Variants in PDPK1 observed in about 807,000 individuals in gnomAD.
PDPK1 encodes the protein 3-phosphoinositide dependent protein kinase 1.
In PDPK1, 7 loss-of-function variants were observed where a neutral mutation model predicts 39.8. The observed-to-expected ratio is 0.18, with a 90% confidence interval of 0.10 to 0.33. PDPK1 has a LOEUF of 0.33. Ranked by LOEUF, PDPK1 falls within the 10% of genes least tolerant of loss-of-function variation. PDPK1 has a pLI of 1.00. For synonymous variants in PDPK1, 118 were observed against 159.1 expected (o/e 0.74, Z 1.95); for missense variants, 182 against 384.7 (o/e 0.47, Z 4.41).
In PDPK1 at chr16:2,601,405, C is replaced by G. The variant is rs549358180; in HGVS notation, c.*3638C>G. 4.3e-6 allele frequency: 1 copy of G among 234,660 alleles called. No individual in the cohort carries two copies. The highest frequency in any genetic ancestry group is 1.8e-4 in the South Asian group (1 of 5,508). The allele number at this position is 234,660 out of a possible 1,614,324, so 14.5% of individuals were successfully genotyped here. A position where few individuals can be genotyped will look rare whatever the true frequency, so the allele number is the denominator to read the frequency against. ...AATTTCCTTGTTTTGGTTGCAAGAA[C>G]CTGGCTCTGCCTGCATGTCAGCTCT... On this transcript the variant is annotated 3_prime_UTR_variant, in exon 14 of 14. Coordinates refer to ENST00000342085, the MANE Select transcript of PDPK1 (RefSeq NM_002613.5).
intron 1 of PDPK1, chr16:2,538,393 C>A: frequency 2.6e-6 from 1 of 379,026 alleles, no homozygotes. Flanking sequence ...CGGGGGAGGC[C>A]GGGAGGTGTC....
chr16:2,597,100 G>A lies in PDPK1; in HGVS notation c.1402-23G>A, dbSNP rs376983918. 41 of 1,539,816 alleles carry A rather than the reference G, an allele frequency of 2.7e-5. No individual in the cohort carries two copies. The highest frequency in any genetic ancestry group is 3.7e-5 in the Admixed American group (2 of 53,836). On this transcript the variant is annotated intron_variant, in intron 12 of 13. Coordinates refer to ENST00000342085, the MANE Select transcript of PDPK1 (RefSeq NM_002613.5). The surrounding 1 kb of genome is among the most constrained non-coding windows in gnomAD (Gnocchi z 6.3). The stretch of plus-strand genomic sequence containing the variant: ...CCGTCAGCACTGGCCTCTGAGGCCT[G>A]TTGTTTTGTGTTTTGGCGTCAGGGT...
At chr16:2,545,313 C>A (rs1159198212) in intron 1 of PDPK1, among the ~76,000 whole-genome samples, 1 of 151,802 alleles carries the variant, frequency 6.6e-6, no homozygotes, top group Non-Finnish European at 1.5e-5. Context: ...AAAGCTCTTT[C>A]TTGTTCTTCT....
rs1355043173 is a variant in PDPK1 at position 2,543,552 on chromosome 16, C to T, written c.24+5416C>T. Among the ~76,000 whole-genome samples the T allele has an allele frequency of 4.9e-5, 7 of 141,686 alleles. No individual in the cohort carries two copies. The South Asian group carries it at 9.8e-4, about 20-fold the overall frequency. The allele number at this position is 141,686 out of a possible 152,430, so 93.0% of individuals were successfully genotyped here. ...CCCAGGCTCGGATGCCCGGCCACGG[C>T]CTCTCTTTCCAGCCTGTGCGGCCCA... On this transcript the variant is annotated intron_variant, in intron 1 of 13. Transcript: ENST00000342085.
intron 1 of PDPK1, among the ~76,000 whole-genome samples, chr16:2,550,043 C>T (rs1205257698): frequency 7.3e-6 from 1 of 136,718 alleles, no homozygotes; most frequent in Non-Finnish European, 1.6e-5. Context: ...TTCAGAATTG[C>T]GTGTGACCTC....
In PDPK1 at chr16:2,597,812, C is replaced by T. The variant is rs769012428; in HGVS notation, c.*45C>T. ...GCCCTTCGCTGCCAGGACACCTGCC[C>T]CAGCGCGGCTTGGCCGCCATCCGGG... On this transcript the variant is annotated 3_prime_UTR_variant, in exon 14 of 14. Transcript: ENST00000342085. This position sits in a 1 kb window ranked among gnomAD's most constrained non-coding sequence, Gnocchi z 6.3. 2 of 1,375,806 alleles carry T rather than the reference C, an allele frequency of 1.5e-6. No individual in the cohort carries two copies. Among genetic ancestry groups the T allele is most frequent in the Non-Finnish European group, 2.1e-6 (2 of 969,118 alleles). 85.2% of individuals were successfully genotyped at this position (1,375,806 alleles called of 1,614,324 possible).
chr16:2,558,079 C>T, intron 2 of PDPK1, 116 bp downstream of exon 2: 1 of 1,118,012 alleles, frequency 8.9e-7, no homozygotes, highest in Non-Finnish European at 1.3e-6. Flanking sequence ...GGCAGGAGGT[C>T]TCAGGCCCCT....
chr16:2,599,681 C>G lies in PDPK1; in HGVS notation c.*1914C>G. On this transcript the variant is annotated 3_prime_UTR_variant, in exon 14 of 14. Coordinates refer to ENST00000342085, the MANE Select transcript of PDPK1 (RefSeq NM_002613.5). ...GCTGTGTTGGGGAGTCTCTCTTAGC[C>G]CTTTCAGGAATTTCTGTTCAGGCTT... 4.3e-6 allele frequency: 1 copy of G among 233,268 alleles called. No homozygotes were observed. The highest frequency in any genetic ancestry group is 8.5e-6 in the Non-Finnish European group (1 of 118,068). The allele number at this position is 233,268 out of a possible 1,614,324, so 14.4% of individuals were successfully genotyped here. A position where few individuals can be genotyped will look rare whatever the true frequency, so the allele number is the denominator to read the frequency against.
chr16:2,586,040 C>T (rs1323382408), intron 10 of PDPK1, among the ~76,000 whole-genome samples: 1 of 152,236 alleles, frequency 6.6e-6, no homozygotes, highest in Non-Finnish European at 1.5e-5. Context: ...AGTGCACAGG[C>T]TGTGTCCGCT....
At chr16:2,592,712 C>T in intron 11 of PDPK1, 1 of 433,442 alleles carries the variant, frequency 2.3e-6, no homozygotes, top group East Asian at 7.0e-5. Flanking sequence ...TGGAAGTGCT[C>T]ACAGCAAGGA....
At chr16:2,590,842 C>T (rs527629002) in intron 11 of PDPK1, among the ~76,000 whole-genome samples, 373 of 152,192 alleles carry the variant, frequency 2.5e-3, no homozygotes, top group Non-Finnish European at 4.5e-3. Context: ...GAGACAAGCT[C>T]TCACTATGTT....
intron 7 of PDPK1, among the ~76,000 whole-genome samples, chr16:2,580,139 C>T (rs2066796590): frequency 6.8e-6 from 1 of 147,262 alleles, no homozygotes; most frequent in African/African-American, 2.5e-5. Flanking sequence ...AGTTTTGAGC[C>T]CTGCATGATT....
chr16:2,600,879 G>C lies in PDPK1; in HGVS notation c.*3112G>C. 1 of 208,398 alleles carries C rather than the reference G, an allele frequency of 4.8e-6. No homozygotes were observed. Among genetic ancestry groups the C allele is most frequent in the Non-Finnish European group, 9.1e-6 (1 of 110,000 alleles). The allele number at this position is 208,398 out of a possible 1,614,324, so 12.9% of individuals were successfully genotyped here. On this transcript the variant is annotated 3_prime_UTR_variant, in exon 14 of 14. Transcript: ENST00000342085. Reference sequence around the variant, plus strand: ...TTGTTCACTTTTTAAACTAAAATAGGAACATCCGACACACACCGTTTGCAT... The same window carrying C: ...TTGTTCACTTTTTAAACTAAAATAGCAACATCCGACACACACCGTTTGCAT...
chr16:2,546,686 A>G (rs1243801814), intron 1 of PDPK1, among the ~76,000 whole-genome samples: 2 of 151,612 alleles, frequency 1.3e-5, no homozygotes, highest in African/African-American at 2.4e-5. Flanking sequence ...GCGGGGCCCT[A>G]CTCTCCTGGT....
rs553675333 is a variant in PDPK1 at position 2,573,804 on chromosome 16, T to A, written c.710-3621T>A. On this transcript the variant is annotated intron_variant, in intron 6 of 13. Coordinates refer to ENST00000342085, the MANE Select transcript of PDPK1 (RefSeq NM_002613.5). ...TTTCCTTTTTCTGTTTTTATTTTTT[T>A]TTTTTTTGAGACGGAATTTCGCTCT... Among the ~76,000 whole-genome samples, 123 of 121,738 alleles carry A rather than the reference T, an allele frequency of 1.0e-3. 8 individuals are homozygous for A. Among genetic ancestry groups the A allele is most frequent in the Admixed American group, 2.2e-3 (28 of 12,502 alleles). The allele number at this position is 121,738 out of a possible 152,430, so 79.9% of individuals were successfully genotyped here.
chr16:2,592,520 C>G (rs2067010391), intron 11 of PDPK1: 1 of 324,202 alleles, frequency 3.1e-6, no homozygotes, highest in East Asian at 9.5e-5. Flanking sequence ...CTAAAATTAC[C>G]AAAAATTAGC....
At chr16:2,552,554 T>C (rs1418229615) in intron 1 of PDPK1, among the ~76,000 whole-genome samples, 1 of 142,474 alleles carries the variant, frequency 7.0e-6, no homozygotes, top group African/African-American at 2.7e-5. Flanking sequence ...CCCATCTGCC[T>C]GTGGGAATAA....
At chr16:2,578,244 C>T (rs1466167476) in intron 7 of PDPK1, among the ~76,000 whole-genome samples, 1 of 143,704 alleles carries the variant, frequency 7.0e-6, no homozygotes, top group Non-Finnish European at 1.5e-5. Context: ...AGGGAGGAGG[C>T]GTCCAGCAGG....
chr16:2,538,091 C>T lies in PDPK1; in HGVS notation c.-22C>T. ...GAGCCGCGCAGCGCTGCGGGGGAGG[C>T]GCCCGCGCCGACGCGGGGCCCATGG... On this transcript the variant is annotated 5_prime_UTR_variant, in exon 1 of 14. Coordinates refer to ENST00000342085, the MANE Select transcript of PDPK1 (RefSeq NM_002613.5). 4.8e-6 allele frequency: 5 copies of T among 1,050,768 alleles called. No homozygotes were observed. The highest frequency in any genetic ancestry group is 2.3e-6 in the Non-Finnish European group (2 of 869,756). The allele number at this position is 1,050,768 out of a possible 1,614,324, so 65.1% of individuals were successfully genotyped here.
Sources: gnomAD v4.1 joint callset for allele counts (sites outside exome capture counted in the v4.1 genomes callset) on GRCh38, gnomAD v4.1.1 for gene constraint, Gnocchi (gnomAD v3.1) non-coding constraint, MANE v1.5 for transcripts, NCBI Gene and HGNC (gene_info 2026-07-23, HGNC 2026-07-21) for gene names.